Variants in THSD4 observed in about 807,000 individuals in gnomAD.
THSD4 encodes thrombospondin type 1 domain containing 4.
Under a neutral mutation model 119.0 loss-of-function variants are expected in THSD4, and 69 were observed. The ratio of observed to expected loss-of-function variants is 0.58; its 90% CI spans 0.48 to 0.71. The LOEUF (loss-of-function observed/expected upper bound fraction) is 0.71. Among genes scored for constraint, THSD4 ranks in the 30% least tolerant of loss-of-function variants. THSD4 has a pLI of 0.00. For missense variants in THSD4, 1,393 were observed against 1,391.1 expected, an observed-to-expected ratio of 1.00 and a Z score of -0.02; for synonymous variants, 524 against 540.4, an observed-to-expected ratio of 0.97 and a Z score of 0.42.
chr15:71,180,463 G>A (rs1297998091), intron 3 of THSD4, among the ~76,000 whole-genome samples: 2 of 152,198 alleles, frequency 1.3e-5, no homozygotes, highest in Non-Finnish European at 2.9e-5. Flanking sequence ...AAAAACTTTT[G>A]GGTGATGGAT....
chr15:71,572,643 T>A (rs1236658261), intron 7 of THSD4, among the ~76,000 whole-genome samples: 1 of 151,876 alleles, frequency 6.6e-6, no homozygotes, highest in Non-Finnish European at 1.5e-5. Flanking sequence ...GACAGCGGAG[T>A]CCAAAAGGGC....
chr15:71,405,411 A>G (rs2046592177), intron 6 of THSD4, among the ~76,000 whole-genome samples: 1 of 152,370 alleles, frequency 6.6e-6, no homozygotes, highest in South Asian at 2.1e-4. Flanking sequence ...CATGGTAGAT[A>G]TGCAAAGTTA....
At chr15:71,097,447 TC>T (rs1025180415) in intron 1 of THSD4, among the ~76,000 whole-genome samples, 18 of 151,890 alleles carry the variant, frequency 1.2e-4, no homozygotes, top group Non-Finnish European at 2.1e-4. Context: ...ATGCCTGTGG[TC>T]CCAGCTACTC....
chr15:71,226,928 T>G (rs948915165), intron 4 of THSD4, among the ~76,000 whole-genome samples: 3 of 151,578 alleles, frequency 2.0e-5, no homozygotes, highest in Admixed American at 6.6e-5. Flanking sequence ...TTTTTGTGTG[T>G]TTTTTTTTAC....
chr15:71,390,916 G>C (rs2046368781), intron 6 of THSD4, among the ~76,000 whole-genome samples: 1 of 133,194 alleles, frequency 7.5e-6, no homozygotes, highest in Admixed American at 8.8e-5. Context: ...CTGGAGTGCA[G>C]TGACACGATC....
chr15:71,163,878 C>A (rs1037640542), intron 3 of THSD4, among the ~76,000 whole-genome samples: 1 of 149,444 alleles, frequency 6.7e-6, no homozygotes, highest in Non-Finnish European at 1.5e-5. Context: ...ATTCTCAGGT[C>A]TTCTTTAATG....
chr15:71,724,337 G>T (rs1410886976), intron 8 of THSD4, among the ~76,000 whole-genome samples: 1 of 141,166 alleles, frequency 7.1e-6, no homozygotes, highest in African/African-American at 2.5e-5. Context: ...CCAGGCTGGA[G>T]TGCAGTGGCG....
chr15:71,647,607 C>T (rs376205818), intron 7 of THSD4, among the ~76,000 whole-genome samples: 58 of 152,280 alleles, frequency 3.8e-4, no homozygotes, highest in African/African-American at 1.3e-3. Flanking sequence ...TGGGTAATGA[C>T]GTCGCCCAAG....
chr15:71,682,956 CTT>C (rs1422115321), intron 8 of THSD4, among the ~76,000 whole-genome samples: 1 of 127,182 alleles, frequency 7.9e-6, no homozygotes, highest in Admixed American at 9.4e-5. Context: ...AGGTCTCACT[CTT>C]TGCCCAGTCT....
At chr15:71,350,051 T>C (rs1447680611) in intron 6 of THSD4, among the ~76,000 whole-genome samples, 1 of 151,816 alleles carries the variant, frequency 6.6e-6, no homozygotes, top group Non-Finnish European at 1.5e-5. Flanking sequence ...TCTCCATCTA[T>C]ATTTTATTCT....
chr15:71,334,055 GA>G (rs1173763076), intron 6 of THSD4, among the ~76,000 whole-genome samples: 4 of 152,246 alleles, frequency 2.6e-5, no homozygotes, highest in Admixed American at 2.6e-4. Context: ...TTGAGTTGAT[GA>G]AAGTATCTAA....
chr15:71,356,917 A>C (rs1464849772), intron 6 of THSD4, among the ~76,000 whole-genome samples: 1 of 152,206 alleles, frequency 6.6e-6, no homozygotes, highest in African/African-American at 2.4e-5. Context: ...GACAGCGCAC[A>C]GGGTGATCAC....
At chr15:71,602,669 G>A (rs1193355924) in intron 7 of THSD4, among the ~76,000 whole-genome samples, 1 of 151,710 alleles carries the variant, frequency 6.6e-6, no homozygotes, top group African/African-American at 2.4e-5. Context: ...CAAGGCTCCT[G>A]CAAGCCTGTA....
chr15:71,330,715 A>G (rs940207981), intron 6 of THSD4, among the ~76,000 whole-genome samples: 1 of 152,178 alleles, frequency 6.6e-6, no homozygotes. Context: ...TGAAGAGAAC[A>G]GTCCTATGCT....
At chr15:71,251,632 G>A (rs891024064) in intron 5 of THSD4, among the ~76,000 whole-genome samples, 4 of 152,124 alleles carry the variant, frequency 2.6e-5, no homozygotes, top group Non-Finnish European at 4.4e-5. Context: ...TGAATCCATA[G>A]CAGTGAAAAG....
chr15:71,313,325 C>T (rs1186933139), intron 6 of THSD4, among the ~76,000 whole-genome samples: 2 of 152,178 alleles, frequency 1.3e-5, no homozygotes, highest in African/African-American at 4.8e-5. Context: ...TGCATGTGTT[C>T]AGTATTTCCT....
chr15:71,124,156 C>T (rs2141355597), intron 1 of THSD4, among the ~76,000 whole-genome samples: 1 of 152,242 alleles, frequency 6.6e-6, no homozygotes, highest in East Asian at 1.9e-4. Flanking sequence ...TTGGAAAGGG[C>T]CAAACATTAA....
intron 6 of THSD4, among the ~76,000 whole-genome samples, chr15:71,329,246 G>A (rs1304701309): frequency 6.6e-6 from 1 of 152,170 alleles, no homozygotes; most frequent in East Asian, 1.9e-4. Flanking sequence ...ACAAGGAACT[G>A]GCTGCCTGGC....
At chr15:71,201,914 G>A (rs1040185392) in intron 3 of THSD4, among the ~76,000 whole-genome samples, 5 of 152,196 alleles carry the variant, frequency 3.3e-5, no homozygotes, top group African/African-American at 4.8e-5. Flanking sequence ...CTTTGCCAGA[G>A]CAAGGAATCT....
Sources: gnomAD v4.1 joint callset for allele counts (sites outside exome capture counted in the v4.1 genomes callset) on GRCh38, gnomAD v4.1.1 for gene constraint, MANE v1.5 for transcripts, NCBI Gene and HGNC (gene_info 2026-07-23, HGNC 2026-07-21) for gene names.